The following MOCOS variants were observed in gnomAD, a reference collection of about 807,000 sequenced individuals.
The protein encoded by MOCOS is human molybdenum cofactor sulfurase.
MOCOS carries 86 observed loss-of-function variants against 83.6 expected under a neutral mutation model. The ratio of observed to expected loss-of-function variants is 1.03; its 90% confidence interval spans 0.86 to 1.23. The LOEUF is 1.23. Among genes scored for constraint, MOCOS ranks in the 50% most tolerant of loss-of-function variants. The pLI is 0.00. For synonymous variants in MOCOS, 445 were observed against 434.7 expected, an observed-to-expected ratio of 1.02 and a Z score of -0.29; for missense variants, 1,120 against 1,126.9, an observed-to-expected ratio of 0.99 and a Z score of 0.09.
At chr18:36,248,204 T>C (rs1455354767) in intron 9 of MOCOS, among the ~76,000 whole-genome samples, 1 of 152,196 alleles carries the variant, frequency 6.6e-6, no homozygotes, top group Non-Finnish European at 1.5e-5. Context: ...ATTAGTGATG[T>C]TGAACATTAA....
In MOCOS at chr18:36,269,640, C is replaced by T. The variant is rs548605577; in HGVS notation, c.*955C>T. 9 of 152,428 alleles carry T rather than the reference C, an allele frequency of 5.9e-5. No homozygotes were observed. Among genetic ancestry groups the T allele is most frequent in the African/African-American group, 9.6e-5 (4 of 41,586 alleles). The allele number at this position is 152,428 out of a possible 1,614,324, so 9.4% of individuals were successfully genotyped here. A position where few individuals can be genotyped will look rare whatever the true frequency, so the allele number is the denominator to read the frequency against. ...TTATCTGCTTCTGCATGACTTCCAG[C>T]CTGGGGTCTTACCCTGTCCTCTGGA... On this transcript the variant is annotated 3_prime_UTR_variant, in exon 15 of 15. Coordinates refer to ENST00000261326, the MANE Select transcript of MOCOS (RefSeq NM_017947.4).
At chr18:36,210,952 A>G (rs879488559) in intron 6 of MOCOS, among the ~76,000 whole-genome samples, 1 of 150,150 alleles carries the variant, frequency 6.7e-6, no homozygotes, top group Non-Finnish European at 1.5e-5. Flanking sequence ...AAGAATCACC[A>G]GGGTGTGAGG....
rs147531376 is a variant in MOCOS, at chr18:36,193,000, T to C, written c.143-2257T>C. Among the ~76,000 whole-genome samples the C allele has an allele frequency of 3.2e-3, 482 of 152,194 alleles. 1 individual carries two copies. The highest frequency in any genetic ancestry group is 0.011 in the African/African-American group (448 of 41,520). On this transcript the variant is annotated intron_variant, in intron 1 of 14. Transcript: ENST00000261326. ...AAGTTAGAGGAATCACACTTTGCAGTTTCAAAACTTACTACAAAGTTACAG... is the reference window on the plus strand; with the variant it reads ...AAGTTAGAGGAATCACACTTTGCAGCTTCAAAACTTACTACAAAGTTACAG...
In MOCOS at chr18:36,269,065, G is replaced by T; in HGVS notation, c.*380G>T. The T allele has an allele frequency of 3.6e-6, 1 of 280,464 alleles. No homozygotes were observed. Among genetic ancestry groups the T allele is most frequent in the Non-Finnish European group, 6.9e-6 (1 of 145,432 alleles). 17.4% of individuals were successfully genotyped at this position (280,464 alleles called of 1,614,324 possible). ...TACTTTGTTTTTAGAGAGCATCTTT[G>T]GATCTCTCCAACCCGTTTGTAGTGA... On this transcript the variant is annotated 3_prime_UTR_variant, in exon 15 of 15. Transcript: ENST00000261326.
intron 9 of MOCOS, among the ~76,000 whole-genome samples, chr18:36,225,044 A>G (rs190038119): frequency 1.3e-4 from 20 of 152,300 alleles, no homozygotes; most frequent in Admixed American, 3.3e-4. Context: ...TTGTTGGCAT[A>G]TAGTTGTTTA....
At chr18:36,196,103 G>A (rs1045475438) in intron 2 of MOCOS, among the ~76,000 whole-genome samples, 2 of 152,180 alleles carry the variant, frequency 1.3e-5, no homozygotes, top group African/African-American at 4.8e-5. Context: ...GAATGGGGAG[G>A]GAGGGAGAAG....
At chr18:36,239,651 C>G (rs2091573535) in intron 9 of MOCOS, among the ~76,000 whole-genome samples, 2 of 145,886 alleles carry the variant, frequency 1.4e-5, no homozygotes, top group South Asian at 2.2e-4. Flanking sequence ...TTGTGGCGTT[C>G]TCCGTATTTC....
intron 5 of MOCOS, 48 bp from the exon 6 acceptor site, chr18:36,205,029 A>G (rs2091429416): frequency 1.0e-6 from 1 of 985,926 alleles, no homozygotes; most frequent in Non-Finnish European, 1.6e-6. Context: ...GTGAATTGAG[A>G]ATTTACATAA....
Position 36,271,688 on chromosome 18 carries a change from C to G in MOCOS, c.*3003C>G, listed in dbSNP as rs1010818196. Reference sequence around the variant, plus strand: ...TGAGAACAGACAATAACTTGTCTTTCTGGGCATTCGCGTCATGGTCCTTTT... The same window carrying G: ...TGAGAACAGACAATAACTTGTCTTTGTGGGCATTCGCGTCATGGTCCTTTT... On this transcript the variant is annotated 3_prime_UTR_variant, in exon 15 of 15. Transcript: ENST00000261326. The G allele has an allele frequency of 2.0e-5, 3 of 152,156 alleles. No homozygotes were observed. The highest frequency in any genetic ancestry group is 7.2e-5 in the African/African-American group (3 of 41,434). The allele number at this position is 152,156 out of a possible 1,614,324, so 9.4% of individuals were successfully genotyped here. A position where few individuals can be genotyped will look rare whatever the true frequency, so the allele number is the denominator to read the frequency against.
chr18:36,200,053 T>G lies in MOCOS; in HGVS notation c.670T>G (p.Leu224Val). 1 of 1,614,212 alleles carries G rather than the reference T, an allele frequency of 6.2e-7. No individual in the cohort carries two copies. The highest frequency in any genetic ancestry group is 8.5e-7 in the Non-Finnish European group (1 of 1,180,040). ...SWIEEVKSGR[L>V]HPVSTPGKWF... ...GATAGAAGAGGTCAAGTCTGGGCGG[T>G]TGCACCCTGTGAGCACGCCTGGGAA... The change falls in exon 4 of 15, where the codon TTG (leucine) becomes GTG (valine). Residue 224 changes from leucine (L) to valine (V), a missense_variant. Physicochemically the swap from Leu to Val is conservative, Grantham distance 32. Transcript: ENST00000261326.
chr18:36,210,850 C>CAAAAAAAAAAA (rs60856965), intron 6 of MOCOS, among the ~76,000 whole-genome samples: 995 of 48,024 alleles, frequency 0.021, 164 homozygotes, highest in East Asian at 0.034. Context: ...GACTCTGTCT[C>CAAAAAAAAAAA]AAAAAAAAAA....
intron 9 of MOCOS, among the ~76,000 whole-genome samples, chr18:36,242,258 C>A (rs1333149091): frequency 1.3e-5 from 2 of 152,202 alleles, no homozygotes; most frequent in African/African-American, 2.4e-5. Flanking sequence ...AGGGCAGGGG[C>A]AAAATGCTAC....
chr18:36,249,057 G>A, intron 10 of MOCOS, 57 bp downstream of exon 10: 1 of 1,457,582 alleles, frequency 6.9e-7, no homozygotes, highest in Non-Finnish European at 9.6e-7. Context: ...GCACAGAGGG[G>A]GAAGAGGGTA....
At chr18:36,229,455 C>G (rs2091529900) in intron 9 of MOCOS, among the ~76,000 whole-genome samples, 1 of 152,122 alleles carries the variant, frequency 6.6e-6, no homozygotes, top group African/African-American at 2.4e-5. Flanking sequence ...TTTTGGCAAT[C>G]TGATTATATG....
intron 12 of MOCOS, among the ~76,000 whole-genome samples, chr18:36,258,928 C>T (rs2091652291): frequency 6.6e-6 from 1 of 152,192 alleles, no homozygotes; most frequent in Admixed American, 6.5e-5. Flanking sequence ...TATCCCATCC[C>T]AGTCAGCCTC....
rs568798625 is a variant in MOCOS at position 36,204,504 on chromosome 18, T to A, written c.1019-573T>A. Among the ~76,000 whole-genome samples, 23 of 152,338 alleles carry A rather than the reference T, an allele frequency of 1.5e-4. No individual in the cohort carries two copies. In the South Asian group the frequency reaches 4.6e-3, roughly 30 times the overall value. ...TTTTGTGATCTGTTACCAAAGGGTC[T>A]AAATATCTAAATGTTTAAGTAACAT... On this transcript the variant is annotated intron_variant, in intron 5 of 14. Transcript: ENST00000261326.
At chr18:36,213,645 A>G (rs900850942) in intron 7 of MOCOS, among the ~76,000 whole-genome samples, 163 bp downstream of exon 7, 2 of 152,208 alleles carry the variant, frequency 1.3e-5, no homozygotes, top group South Asian at 2.1e-4. Flanking sequence ...ATGCTTCAAG[A>G]AGGCCGGGTG....
chr18:36,202,349 C>G (rs1164786809), intron 4 of MOCOS, among the ~76,000 whole-genome samples: 1 of 152,104 alleles, frequency 6.6e-6, no homozygotes, highest in Non-Finnish European at 1.5e-5. Flanking sequence ...GAGATGGGGT[C>G]TTGCTATCTA....
chr18:36,263,597 T>C (rs1464841912), intron 13 of MOCOS, among the ~76,000 whole-genome samples: 3 of 152,068 alleles, frequency 2.0e-5, no homozygotes, highest in African/African-American at 7.2e-5. Flanking sequence ...CATGACACAG[T>C]CTGGGATGGT....
Sources: gnomAD v4.1 joint callset for allele counts (sites outside exome capture counted in the v4.1 genomes callset) on GRCh38, gnomAD v4.1.1 for gene constraint, MANE v1.5 for transcripts, NCBI Gene and HGNC (gene_info 2026-07-23, HGNC 2026-07-21) for gene names.